SUMF1: variants seen among roughly 807,000 people sequenced by gnomAD.
The protein encoded by SUMF1 is formylglycine-generating enzyme.
Under a neutral mutation model 47.6 loss-of-function variants are expected in SUMF1, and 48 were observed. The ratio of observed to expected loss-of-function variants is 1.01; its 90% confidence interval spans 0.80 to 1.28. The LOEUF (loss-of-function observed/expected upper bound fraction) is 1.28, where lower values mean the gene tolerates loss of function less well. Among genes scored for constraint, SUMF1 ranks in the 50% most tolerant of loss-of-function variants. SUMF1 has a pLI of 0.00. For missense variants in SUMF1, 571 were observed against 485.4 expected, an observed-to-expected ratio of 1.18 and a Z score of -1.66; for synonymous variants, 230 against 192.1, an observed-to-expected ratio of 1.20 and a Z score of -1.63.
intron 8 of SUMF1, among the ~76,000 whole-genome samples, chr3:4,260,470 A>G (rs1422463478): frequency 6.6e-6 from 1 of 152,250 alleles, no homozygotes; most frequent in Non-Finnish European, 1.5e-5. Context: ...AAGCCAATCT[A>G]CATGACTTTG....
At chr3:4,333,447 G>C (rs1287203428) in intron 8 of SUMF1, among the ~76,000 whole-genome samples, 2 of 152,196 alleles carry the variant, frequency 1.3e-5, no homozygotes, top group Non-Finnish European at 2.9e-5. Flanking sequence ...AATACAGAAA[G>C]GAAAGCATGC....
chr3:4,046,245 T>C (rs1218347603), intron 9 of SUMF1, among the ~76,000 whole-genome samples: 1 of 152,076 alleles, frequency 6.6e-6, no homozygotes, highest in Non-Finnish European at 1.5e-5. Context: ...GCCCAAGTCG[T>C]GAGTTGAATG....
intron 9 of SUMF1, among the ~76,000 whole-genome samples, chr3:4,056,127 C>G (rs561602897): frequency 2.0e-5 from 3 of 152,102 alleles, no homozygotes; most frequent in African/African-American, 2.4e-5. Flanking sequence ...CTATCTGCAA[C>G]CTTAATTCTC....
intron 8 of SUMF1, among the ~76,000 whole-genome samples, chr3:4,202,072 T>C (rs1695552338): frequency 6.6e-6 from 1 of 152,070 alleles, no homozygotes. Flanking sequence ...ACACTGTTGA[T>C]TGTTTCCTTT....
In SUMF1 at chr3:4,467,269, C is replaced by T; in HGVS notation, c.-24G>A. The T allele has an allele frequency of 1.2e-6, 2 of 1,600,142 alleles. No individual in the cohort carries two copies. The highest frequency in any genetic ancestry group is 1.3e-5 in the African/African-American group (1 of 74,728). On this transcript the variant is annotated 5_prime_UTR_variant, in exon 1 of 9. Coordinates refer to ENST00000272902, the MANE Select transcript of SUMF1 (RefSeq NM_182760.4). ...ATGTTGTCCCGCGGGCCATGTGACC[C>T]GGTTGGTCACGTGGCTGAGCCCTCC...
intron 7 of SUMF1, among the ~76,000 whole-genome samples, chr3:4,410,337 G>A (rs187591692): frequency 1.3e-5 from 2 of 152,234 alleles, no homozygotes; most frequent in Admixed American, 1.3e-4. Flanking sequence ...TAAGTTATAA[G>A]GTGCATCGGT....
chr3:4,463,655 G>A (rs1211770373), intron 1 of SUMF1, among the ~76,000 whole-genome samples: 1 of 152,196 alleles, frequency 6.6e-6, no homozygotes, highest in Non-Finnish European at 1.5e-5. Context: ...ATTCGATTGT[G>A]CCTCATTGCC....
intron 8 of SUMF1, among the ~76,000 whole-genome samples, chr3:4,307,774 C>A (rs1175960200): frequency 6.6e-6 from 1 of 152,196 alleles, no homozygotes; most frequent in Non-Finnish European, 1.5e-5. Flanking sequence ...TGGTGGCTCA[C>A]TCCCATAATC....
chr3:4,130,311 T>G (rs554447215), intron 8 of SUMF1, among the ~76,000 whole-genome samples: 4 of 152,322 alleles, frequency 2.6e-5, no homozygotes, highest in African/African-American at 7.2e-5. Flanking sequence ...GACAAATGCC[T>G]TTTTCTCCAT....
intron 8 of SUMF1, among the ~76,000 whole-genome samples, chr3:4,133,861 G>T (rs1433368057): frequency 1.3e-5 from 2 of 151,920 alleles, no homozygotes; most frequent in African/African-American, 4.8e-5. Context: ...GACTAATACA[G>T]GTGTCTACTG....
At position 4,242,701 on chromosome 3, in the gene SUMF1, C is replaced by T. The variant is rs1696568462; in HGVS notation, c.1014+133629G>A. Among the ~76,000 whole-genome samples, 6 of 152,098 alleles carry T rather than the reference C, an allele frequency of 3.9e-5. No individual in the cohort carries two copies. In the South Asian group the frequency reaches 1.0e-3, roughly 26 times the overall value. On this transcript the variant is annotated intron_variant and NMD_transcript_variant, in intron 8 of 12. Transcript: ENST00000448413. ...AGTATTTTATTGAGGACTTTTGCAT[C>T]GATGTTCATCAGGGATATTGGCCTA... is the stretch of plus-strand genomic sequence containing the variant.
At chr3:4,203,994 C>T (rs1029643681) in intron 8 of SUMF1, among the ~76,000 whole-genome samples, 5 of 151,986 alleles carry the variant, frequency 3.3e-5, no homozygotes, top group African/African-American at 1.2e-4. Flanking sequence ...AGTCTTACTA[C>T]TCAAGACATA....
At chr3:4,357,577 T>TTTA (rs1699647718), downstream of SUMF1, among the ~76,000 whole-genome samples, 3 of 138,732 alleles carry the variant, frequency 2.2e-5, no homozygotes, top group Admixed American at 7.3e-5. Context: ...CCCAACCAAC[T>TTTA]TTTATTTATT....
In SUMF1 at chr3:4,350,015, T is replaced by G. The variant is rs867311534; in HGVS notation, c.1014+26315A>C. On this transcript the variant is annotated intron_variant and NMD_transcript_variant, in intron 8 of 12. Coordinates refer to the SUMF1 transcript ENST00000448413. ...ACGTATTATTTTCTTTTTTTTTTTT[T>G]TCTGAGATGGAGTCTCGCTCTGTCG... is the stretch of plus-strand genomic sequence containing the variant. 9.6e-4 allele frequency among the ~76,000 whole-genome samples: 145 copies of G among 151,734 alleles called. 1 individual carries two copies. Among genetic ancestry groups the G allele is most frequent in the African/African-American group, 3.5e-3 (143 of 41,364 alleles).
At chr3:4,234,333 T>C (rs1260437384) in intron 8 of SUMF1, among the ~76,000 whole-genome samples, 1 of 152,058 alleles carries the variant, frequency 6.6e-6, no homozygotes, top group Non-Finnish European at 1.5e-5. Context: ...ATATGAATTG[T>C]TACAGGTCTT....
chr3:4,216,620 G>A lies in SUMF1; in HGVS notation c.1015-147875C>T, dbSNP rs563350501. Among the ~76,000 whole-genome samples, 10 of 150,216 alleles carry A rather than the reference G, an allele frequency of 6.7e-5. 1 individual carries two copies. In the East Asian group the frequency reaches 7.9e-4, roughly 12 times the overall value. ...TAAACAGGCAACCTACAGAATGGGA[G>A]AAAAAAGGGCCAATATCCAGAATCT... On this transcript the variant is annotated intron_variant and NMD_transcript_variant, in intron 8 of 12. Coordinates refer to the SUMF1 transcript ENST00000448413.
rs1701527669 is a variant in SUMF1, at chr3:4,411,123, TAAAG to T, written c.841-149_841-146del. 4.6e-5 allele frequency: 36 copies of T among 782,106 alleles called. No homozygotes were observed. The South Asian group carries it at 5.5e-4, about 12-fold the overall frequency. The allele number at this position is 782,106 out of a possible 1,614,324, so 48.4% of individuals were successfully genotyped here. A position where few individuals can be genotyped will look rare whatever the true frequency, so the allele number is the denominator to read the frequency against. Reference sequence around the variant, plus strand: ...CAGTCAAAGTACAATTTGACCAACATAAAGACAAAGAAAGGGGCATTTTTTTTTT... The same window carrying T: ...CAGTCAAAGTACAATTTGACCAACATACAAAGAAAGGGGCATTTTTTTTTT... On this transcript the variant is annotated intron_variant, in intron 6 of 8. Coordinates refer to ENST00000272902, the MANE Select transcript of SUMF1 (RefSeq NM_182760.4).
intron 8 of SUMF1, among the ~76,000 whole-genome samples, chr3:4,086,821 TA>T (rs1692682263): frequency 6.6e-6 from 1 of 152,058 alleles, no homozygotes; most frequent in Admixed American, 6.6e-5. Flanking sequence ...CTGACGGTTT[TA>T]TAAGGGGAAA....
intron 3 of SUMF1, among the ~76,000 whole-genome samples, chr3:4,427,688 G>A (rs1344785548): frequency 1.3e-5 from 2 of 152,046 alleles, no homozygotes; most frequent in African/African-American, 4.8e-5. Flanking sequence ...AATACTTTTT[G>A]GTTCAGTTCT....
Sources: allele counts gnomAD v4.1 joint callset (sites outside exome capture counted in the v4.1 genomes callset), GRCh38; gene constraint gnomAD v4.1.1; transcripts MANE v1.5; gene names NCBI Gene and HGNC (gene_info 2026-07-23, HGNC 2026-07-21).